The following MACC1 variants were observed in gnomAD, a reference collection of about 807,000 sequenced individuals.
MACC1 encodes metastasis-associated in colon cancer protein 1.
MACC1 carries 79 observed loss-of-function variants against 70.7 expected under a neutral mutation model. The observed-to-expected ratio is 1.12, with a 90% CI of 0.93 to 1.35. The LOEUF is 1.35. Among genes scored for constraint, MACC1 ranks in the 40% most tolerant of loss-of-function variants. The pLI, the probability that MACC1 is intolerant of heterozygous loss-of-function variation, is 0.00. For missense variants in MACC1, 1,106 were observed against 978.1 expected (o/e 1.13, Z -1.74); for synonymous variants, 361 against 347.2 (o/e 1.04, Z -0.44).
In MACC1 at chr7:20,159,026, T is replaced by C; in HGVS notation, c.1335A>G (p.Glu445=). ...CTTTCCTTTCTCCTTCTGTCTTTAC[T>C]TCAAAATCAGGATCACAGGAAAAAA... is the stretch of plus-strand genomic sequence containing the variant. ...ISIFSCDPDF[E]VKTEGERKEI... Residue 445 remains glutamate (E), a synonymous_variant, in exon 5 of 7, where the codon GAA becomes GAG. Transcript: ENST00000400331. 3 of 1,613,970 alleles carry C rather than the reference T, an allele frequency of 1.9e-6. No individual in the cohort carries two copies. Among genetic ancestry groups the C allele is most frequent in the Non-Finnish European group, 2.5e-6 (3 of 1,180,008 alleles).
chr7:20,154,527 T>A, intron 5 of MACC1, 146 bp from the exon 6 acceptor site: 1 of 824,080 alleles, frequency 1.2e-6, no homozygotes, highest in Non-Finnish European at 1.8e-6. Context: ...CTCAAGGAGT[T>A]GATTCACATT....
chr7:20,161,641 A>T, intron 4 of MACC1, 107 bp downstream of exon 4: 1 of 668,590 alleles, frequency 1.5e-6, no homozygotes, highest in Non-Finnish European at 2.6e-6. Context: ...AAGATTTTAT[A>T]ATTCTTTTCA....
intron 2 of MACC1, among the ~76,000 whole-genome samples, chr7:20,166,183 G>A (rs1782215130): frequency 6.6e-6 from 1 of 152,102 alleles, no homozygotes; most frequent in South Asian, 2.1e-4. Context: ...CCATGAATTT[G>A]TACTGTATTT....
At chr7:20,184,446 C>T (rs937245249) in intron 1 of MACC1, among the ~76,000 whole-genome samples, 1 of 152,188 alleles carries the variant, frequency 6.6e-6, no homozygotes, top group African/African-American at 2.4e-5. Context: ...ACTCTTATTT[C>T]AAACTTGCAA....
chr7:20,146,478 T>G (rs535132117), intron 6 of MACC1, among the ~76,000 whole-genome samples: 24 of 152,260 alleles, frequency 1.6e-4, no homozygotes, highest in Middle Eastern at 3.4e-3. Flanking sequence ...AAATTCTAAA[T>G]TTTTTAATAA....
chr7:20,189,952 T>G (rs560779433), intron 1 of MACC1, among the ~76,000 whole-genome samples: 1 of 152,306 alleles, frequency 6.6e-6, no homozygotes, highest in African/African-American at 2.4e-5. Flanking sequence ...GCCCTCTTCC[T>G]TGTTTACAGA....
In MACC1 at chr7:20,159,720, A is replaced by C. The variant is rs776623936; in HGVS notation, c.641T>G (p.Ile214Arg). The part of the protein sequence containing the change: ...WAQTQLAEVT[I>R]ACKVNHQGGS... ...TCCTTGATGGTTTACTTTGCAAGCT[A>C]TGGTGACCTCCGCAAGTTGTGTCTG... is the stretch of plus-strand genomic sequence containing the variant. Residue 214 changes from isoleucine to arginine, a missense_variant, in exon 5 of 7, where the codon ATA (isoleucine) becomes AGA (arginine). Physicochemically the swap from Ile to Arg is moderately conservative, Grantham distance 97. Coordinates refer to ENST00000400331, the MANE Select transcript of MACC1 (RefSeq NM_182762.4). 2.5e-6 allele frequency: 4 copies of C among 1,614,030 alleles called. No homozygotes were observed. The highest frequency in any genetic ancestry group is 3.4e-6 in the Non-Finnish European group (4 of 1,180,028).
chr7:20,195,543 G>A (rs995234595), intron 1 of MACC1, among the ~76,000 whole-genome samples: 2 of 152,198 alleles, frequency 1.3e-5, no homozygotes, highest in Non-Finnish European at 2.9e-5. Context: ...TCGTATATAT[G>A]ACCCATGTTT....
At chr7:20,142,018 C>T (rs1024046804) in intron 6 of MACC1, 12 of 152,074 alleles carry the variant, frequency 7.9e-5, no homozygotes, top group Non-Finnish European at 1.5e-4. Context: ...GAACCCTGCA[C>T]TTGTAAGTGG....
At chr7:20,195,314 C>G (rs1455825991) in intron 1 of MACC1, among the ~76,000 whole-genome samples, 1 of 152,146 alleles carries the variant, frequency 6.6e-6, no homozygotes, top group Non-Finnish European at 1.5e-5. Context: ...AGAAAGGAGA[C>G]TTTATTTCTC....
intron 1 of MACC1, among the ~76,000 whole-genome samples, chr7:20,212,553 G>C (rs1026438093): frequency 9.2e-5 from 14 of 152,138 alleles, no homozygotes; most frequent in African/African-American, 3.4e-4. Flanking sequence ...TGGGGCAGGA[G>C]GAAAAGCGGA....
intron 1 of MACC1, among the ~76,000 whole-genome samples, chr7:20,213,516 G>A (rs1017269458): frequency 2.0e-5 from 3 of 152,262 alleles, no homozygotes; most frequent in African/African-American, 4.8e-5. Flanking sequence ...CAAAGACATG[G>A]AATCTATCTA....
chr7:20,136,792 A>G lies in MACC1; in HGVS notation c.*4154T>C, dbSNP rs2128098906. 2 of 151,586 alleles carry G rather than the reference A, an allele frequency of 1.3e-5. No homozygotes were observed. The highest frequency in any genetic ancestry group is 4.2e-4 in the South Asian group (2 of 4,808). 9.4% of individuals were successfully genotyped at this position (151,586 alleles called of 1,614,324 possible). A position where few individuals can be genotyped will look rare whatever the true frequency, so the allele number is the denominator to read the frequency against. ...CTTACTTCTCCTCCTTGCGATTATT[A>G]TTGCGATTAAGGATTATTATTAATT... is the stretch of plus-strand genomic sequence containing the variant. On this transcript the variant is annotated 3_prime_UTR_variant, in exon 7 of 7. Transcript: ENST00000400331.
intron 6 of MACC1, among the ~76,000 whole-genome samples, chr7:20,143,719 G>T (rs909812518): frequency 1.3e-5 from 2 of 152,148 alleles, no homozygotes; most frequent in Non-Finnish European, 2.9e-5. Context: ...TAACAACAGA[G>T]TAGTGTCGAT....
intron 1 of MACC1, among the ~76,000 whole-genome samples, chr7:20,195,086 G>T (rs750634641): frequency 1.3e-5 from 2 of 151,212 alleles, no homozygotes; most frequent in Non-Finnish European, 1.5e-5. Flanking sequence ...TAATCTTAAC[G>T]TTTTCTCTTA....
rs988509266 is a variant in MACC1, at chr7:20,143,308, G to A, written c.2347-2150C>T. ...GAAACTACAGATTCAGGAAAGGTCCGACGACACATCTACTCATGCACTTAC... is the reference window on the plus strand; with the variant it reads ...GAAACTACAGATTCAGGAAAGGTCCAACGACACATCTACTCATGCACTTAC... On this transcript the variant is annotated intron_variant, in intron 6 of 6. Transcript: ENST00000400331. Among the ~76,000 whole-genome samples, 11 of 152,214 alleles carry A rather than the reference G, an allele frequency of 7.2e-5. No individual in the cohort carries two copies. In the East Asian group the frequency reaches 1.5e-3, roughly 21 times the overall value.
chr7:20,196,832 G>A (rs183125637), intron 1 of MACC1, among the ~76,000 whole-genome samples: 6 of 152,024 alleles, frequency 3.9e-5, no homozygotes, highest in Non-Finnish European at 7.4e-5. Context: ...AGTTCCTTTG[G>A]CTGAAAGGTA....
In MACC1 at chr7:20,140,858, CACAGAG is replaced by C. The variant is rs1781788502; in HGVS notation, c.*82_*87del. 1.5e-5 allele frequency: 14 copies of C among 930,304 alleles called. No individual in the cohort carries two copies. The South Asian group carries it at 1.9e-4, about 12-fold the overall frequency. 57.6% of individuals were successfully genotyped at this position (930,304 alleles called of 1,614,324 possible). On this transcript the variant is annotated 3_prime_UTR_variant, in exon 7 of 7. Transcript: ENST00000400331. Reference sequence around the variant, plus strand: ...ACACACAGACACACACACACAGACACACAGAGACACACACAGACACACACAGACACA... The same window carrying C: ...ACACACAGACACACACACACAGACACACACACACAGACACACACAGACACA...
At chr7:20,205,526 G>A (rs1782898828) in intron 1 of MACC1, among the ~76,000 whole-genome samples, 1 of 151,850 alleles carries the variant, frequency 6.6e-6, no homozygotes, top group Admixed American at 6.6e-5. Context: ...GTAGTCGCCT[G>A]TGAAAAGAAA....
Sources: gnomAD v4.1 joint callset for allele counts (sites outside exome capture counted in the v4.1 genomes callset) on GRCh38, gnomAD v4.1.1 for gene constraint, MANE v1.5 for transcripts, NCBI Gene and HGNC (gene_info 2026-07-23, HGNC 2026-07-21) for gene names.